KSR2: variants seen among roughly 807,000 people sequenced by gnomAD.
KSR2 encodes the protein kinase suppressor of ras 2.
KSR2 carries 25 observed loss-of-function variants against 107.8 expected under a neutral mutation model. The observed-to-expected ratio is 0.23, with a 90% CI of 0.17 to 0.32. The LOEUF is 0.32. Among genes scored for constraint, KSR2 ranks in the 10% least tolerant of loss-of-function variants. The pLI, the probability that KSR2 is intolerant of heterozygous loss-of-function variation, is 1.00. For missense variants in KSR2, 887 were observed against 1,268.9 expected (o/e 0.70, Z 4.57); for synonymous variants, 480 against 507.0 (o/e 0.95, Z 0.71).
chr12:117,803,488 G>C (rs1248475559), intron 3 of KSR2, among the ~76,000 whole-genome samples: 1 of 152,084 alleles, frequency 6.6e-6, no homozygotes, highest in Non-Finnish European at 1.5e-5. Context: ...GGATCACGAG[G>C]TCAGGAGATC....
At chr12:117,893,716 G>T (rs115006733) in intron 1 of KSR2, among the ~76,000 whole-genome samples, 1 of 152,214 alleles carries the variant, frequency 6.6e-6, no homozygotes, top group African/African-American at 2.4e-5. Context: ...ACAAGTAGGT[G>T]CTTGCTTTTC....
intron 1 of KSR2, among the ~76,000 whole-genome samples, chr12:117,891,981 C>CAGAGTGAGACCCTGTCTCACA (rs59255301): frequency 0.35 from 53,020 of 150,072 alleles, 11,090 homozygotes; most frequent in East Asian, 0.87. Flanking sequence ...GCCTGGGTAA[C>CAGAGTGAGACCCTGTCTCACA]AGAGTGAGAC....
intron 7 of KSR2, among the ~76,000 whole-genome samples, chr12:117,577,495 C>T (rs1016562359): frequency 2.0e-5 from 3 of 152,080 alleles, no homozygotes; most frequent in African/African-American, 7.2e-5. Context: ...CCAAGGCAGG[C>T]AAGATTATTA....
At chr12:117,626,114 CT>C (rs1882497326) in intron 5 of KSR2, among the ~76,000 whole-genome samples, 1 of 152,034 alleles carries the variant, frequency 6.6e-6, no homozygotes, top group Non-Finnish European at 1.5e-5. Flanking sequence ...ATTAGTCTTG[CT>C]AGCAGTCTAT....
At chr12:117,600,165 C>A (rs1480799811) in intron 5 of KSR2, among the ~76,000 whole-genome samples, 1 of 152,200 alleles carries the variant, frequency 6.6e-6, no homozygotes, top group Non-Finnish European at 1.5e-5. Flanking sequence ...CAAAAAGGAA[C>A]TCAGGGCCAG....
intron 3 of KSR2, among the ~76,000 whole-genome samples, chr12:117,785,210 T>C (rs1890022642): frequency 1.3e-5 from 2 of 150,384 alleles, no homozygotes; most frequent in African/African-American, 2.4e-5. Context: ...AGGTCAGGAG[T>C]TTGAGACCAG....
intron 4 of KSR2, among the ~76,000 whole-genome samples, chr12:117,734,287 A>C (rs1887849470): frequency 6.6e-6 from 1 of 151,490 alleles, no homozygotes; most frequent in African/African-American, 2.4e-5. Context: ...TCTCAAAAAA[A>C]AAAAAAAAAA....
At chr12:117,962,531 A>C in intron 1 of KSR2, among the ~76,000 whole-genome samples, 1 of 148,524 alleles carries the variant, frequency 6.7e-6, no homozygotes, top group Non-Finnish European at 1.5e-5. Context: ...TGCAACCTCC[A>C]CCTCCCAGGT....
chr12:117,532,782 G>A (rs764202261), intron 10 of KSR2, among the ~76,000 whole-genome samples: 3 of 152,118 alleles, frequency 2.0e-5, no homozygotes, highest in South Asian at 2.1e-4. Flanking sequence ...GGGGCCAAGC[G>A]GTGTTGGGGG....
intron 1 of KSR2, among the ~76,000 whole-genome samples, chr12:117,915,290 C>A (rs895163976): frequency 6.6e-6 from 1 of 152,224 alleles, no homozygotes; most frequent in Non-Finnish European, 1.5e-5. Context: ...CTGAAGAGGG[C>A]AAGTGAGCTC....
chr12:117,481,702 C>A (rs1197642448), intron 16 of KSR2, among the ~76,000 whole-genome samples: 2 of 152,216 alleles, frequency 1.3e-5, no homozygotes, highest in Non-Finnish European at 2.9e-5. Context: ...AATGAGGGAA[C>A]TTCCAGGCCT....
chr12:117,769,132 C>T (rs1889347622), intron 3 of KSR2, among the ~76,000 whole-genome samples: 2 of 152,202 alleles, frequency 1.3e-5, no homozygotes, highest in Non-Finnish European at 1.5e-5. Flanking sequence ...ACTTCCCCTT[C>T]TCCCAGAAAC....
At chr12:117,853,311 GACAAAGGAAGATGTTTATGACA>G (rs1892988440) in intron 3 of KSR2, among the ~76,000 whole-genome samples, 1 of 152,156 alleles carries the variant, frequency 6.6e-6, no homozygotes, top group African/African-American at 2.4e-5. Context: ...TGCATTTATT[GACAAAGGAAGATGTTTATGACA>G]ACACTGTAAT....
rs572039720 is a variant in KSR2, at chr12:117,521,396, C to T, written c.2219+3456G>A. On this transcript the variant is annotated intron_variant, in intron 14 of 19. Transcript: ENST00000339824. Reference sequence around the variant, plus strand: ...GTGAAACCCTAGGTAGCAAGGTAGACGGGTGAGAGACACTTTCACTCAACT... The same window carrying T: ...GTGAAACCCTAGGTAGCAAGGTAGATGGGTGAGAGACACTTTCACTCAACT... Among the ~76,000 whole-genome samples the T allele has an allele frequency of 1.3e-4, 20 of 152,288 alleles. No homozygotes were observed. The South Asian group carries it at 1.9e-3, about 14-fold the overall frequency.
rs556146768 is a variant in KSR2, at chr12:117,824,889, A to G, written c.472+30539T>C. ...AAAAAAAAAAAAAATTAAACAAAGT[A>G]CCTGACAAAGCTGGGAGCAGTGGCT... On this transcript the variant is annotated intron_variant, in intron 3 of 19. Transcript: ENST00000339824. Among the ~76,000 whole-genome samples the G allele has an allele frequency of 2.0e-5, 3 of 150,148 alleles. No individual in the cohort carries two copies. In the East Asian group the frequency reaches 5.9e-4, roughly 29 times the overall value.
chr12:117,904,302 T>C (rs1452292298), intron 1 of KSR2, among the ~76,000 whole-genome samples: 1 of 152,184 alleles, frequency 6.6e-6, no homozygotes, highest in Non-Finnish European at 1.5e-5. Flanking sequence ...ATATATTCAG[T>C]ATCTAAACTC....
chr12:117,714,805 G>A (rs991474125), intron 4 of KSR2, among the ~76,000 whole-genome samples: 1 of 152,192 alleles, frequency 6.6e-6, no homozygotes, highest in Non-Finnish European at 1.5e-5. Context: ...CTAGTGGATA[G>A]AGACTAGAGA....
chr12:117,944,300 C>T (rs1263461841), intron 1 of KSR2, among the ~76,000 whole-genome samples: 3 of 152,244 alleles, frequency 2.0e-5, no homozygotes, highest in South Asian at 4.1e-4. Flanking sequence ...TGCTTGAACC[C>T]GGGAGACGGA....
At chr12:117,755,340 G>A (rs952312976) in intron 4 of KSR2, among the ~76,000 whole-genome samples, 1 of 152,212 alleles carries the variant, frequency 6.6e-6, no homozygotes, top group Non-Finnish European at 1.5e-5. Context: ...GCCTCTCGCT[G>A]CCACGTTTCC....
Sources: gnomAD v4.1 joint callset for allele counts (sites outside exome capture counted in the v4.1 genomes callset) on GRCh38, gnomAD v4.1.1 for gene constraint, MANE v1.5 for transcripts, NCBI Gene and HGNC (gene_info 2026-07-23, HGNC 2026-07-21) for gene names.